The following PPM1K variants were observed in gnomAD, a reference collection of about 807,000 sequenced individuals.
The protein encoded by PPM1K is protein phosphatase, Mg2+/Mn2+ dependent 1K.
A neutral mutation model predicts 32.6 loss-of-function variants in PPM1K; 19 were observed. The ratio of observed to expected loss-of-function variants is 0.58; its 90% confidence interval spans 0.41 to 0.86. The LOEUF (loss-of-function observed/expected upper bound fraction) is 0.86, where lower values mean the gene tolerates loss of function less well. PPM1K is among the 40% of genes least tolerant of loss of function. The probability of loss-of-function intolerance (pLI) is 0.00; values close to 1 mark genes in which losing one functional copy is unlikely to be tolerated. For synonymous variants in PPM1K, 159 were observed against 165.3 expected (o/e 0.96, Z 0.29); for missense variants, 362 against 461.2 (o/e 0.78, Z 1.97).
chr4:88,278,499 G>C lies in PPM1K; in HGVS notation c.85C>G (p.Gln29Glu). ...RRVLLSSRLL[Q>E]DDRRVTPTCH... ...GTGGGTGTCACCCGCCTGTCGTCCT[G>C]CAGCAGGCGGGAGCTTAGCAGCACT... Residue 29 changes from glutamine to glutamate, a missense_variant, in exon 2 of 7, where the codon CAG (glutamine) becomes GAG (glutamate). By Grantham distance (29) the Gln-to-Glu change is conservative (BLOSUM62 2). Transcript: ENST00000608933. This position sits in a 1 kb window ranked among gnomAD's most constrained non-coding sequence, Gnocchi z 4.2. 1 of 1,614,088 alleles carries C rather than the reference G, an allele frequency of 6.2e-7. No individual in the cohort carries two copies. The highest frequency in any genetic ancestry group is 8.5e-7 in the Non-Finnish European group (1 of 1,179,962).
At chr4:88,280,926 T>C (rs1030018348) in intron 1 of PPM1K, among the ~76,000 whole-genome samples, 11 of 152,140 alleles carry the variant, frequency 7.2e-5, no homozygotes, top group Admixed American at 6.6e-4. Flanking sequence ...TTGCTTCTAA[T>C]TGAGAGTTAG....
intron 3 of PPM1K, among the ~76,000 whole-genome samples, 181 bp from the exon 4 acceptor site, chr4:88,269,087 A>G (rs1402199950): frequency 6.6e-6 from 1 of 152,274 alleles, no homozygotes; most frequent in Non-Finnish European, 1.5e-5. Context: ...ATGCAGAGAA[A>G]CAAGTATTTA....
At chr4:88,265,359 G>A (rs763865103) in intron 5 of PPM1K, among the ~76,000 whole-genome samples, 2 of 152,176 alleles carry the variant, frequency 1.3e-5, no homozygotes, top group African/African-American at 2.4e-5. Context: ...GAATCATGGC[G>A]GTGGGTCTTT....
rs1731131564 is a variant in PPM1K, at chr4:88,261,859, A to T, written c.*736T>A. 7.5e-6 allele frequency: 1 copy of T among 133,762 alleles called. No homozygotes were observed. The highest frequency in any genetic ancestry group is 1.6e-5 in the Non-Finnish European group (1 of 64,312). 8.3% of individuals were successfully genotyped at this position (133,762 alleles called of 1,614,324 possible). On this transcript the variant is annotated 3_prime_UTR_variant, in exon 7 of 7. Coordinates refer to ENST00000608933, the MANE Select transcript of PPM1K (RefSeq NM_152542.5). Reference sequence around the variant, plus strand: ...ATTACAGGTGTCTGCCACCACGCCCAGCCAATTTTTTTTTTTTTTTTTTTT... The same window carrying T: ...ATTACAGGTGTCTGCCACCACGCCCTGCCAATTTTTTTTTTTTTTTTTTTT...
rs1730963746 is a variant in PPM1K at position 88,257,871 on chromosome 4, A to G, written c.*4724T>C. The G allele has an allele frequency of 6.6e-6, 1 of 152,218 alleles. No homozygotes were observed. The allele number at this position is 152,218 out of a possible 1,614,324, so 9.4% of individuals were successfully genotyped here. ...TCAGGCTGCTAAATTCTGTACTAGA[A>G]TCCAACAGCAAATGAGTCATTCTTG... On this transcript the variant is annotated 3_prime_UTR_variant, in exon 7 of 7. Transcript: ENST00000608933.
In PPM1K at chr4:88,278,045, A is replaced by C; in HGVS notation, c.440+99T>G. 1.1e-6 allele frequency: 1 copy of C among 945,502 alleles called. No homozygotes were observed. The highest frequency in any genetic ancestry group is 1.6e-6 in the Non-Finnish European group (1 of 628,148). 58.6% of individuals were successfully genotyped at this position (945,502 alleles called of 1,614,324 possible). On this transcript the variant is annotated intron_variant, in intron 2 of 6. Coordinates refer to ENST00000608933, the MANE Select transcript of PPM1K (RefSeq NM_152542.5). This position sits in a 1 kb window ranked among gnomAD's most constrained non-coding sequence, Gnocchi z 4.2. ...GTGAAGCAGCAGCATGCAACCACTC[A>C]AGTAACTATGTTTACGCTGGAAGCC... is the stretch of plus-strand genomic sequence containing the variant.
chr4:88,278,194 A>G lies in PPM1K; in HGVS notation c.390T>C (p.Gly130=), dbSNP rs1037229305. ...GACAGAAATCAGCTGCTGCAGGTCC[A>G]CCGTGTCCATCATACACTGCAAAGT... is the stretch of plus-strand genomic sequence containing the variant. ...VLYFAVYDGH[G]GPAAADFCHT... Residue 130 remains glycine, a synonymous_variant, in exon 2 of 7, where the codon GGT becomes GGC. Transcript: ENST00000608933. This position sits in a 1 kb window ranked among gnomAD's most constrained non-coding sequence, Gnocchi z 4.2. 6.2e-7 allele frequency: 1 copy of G among 1,614,204 alleles called. No homozygotes were observed.
chr4:88,279,815 T>C (rs1305797237), intron 1 of PPM1K: 2 of 152,230 alleles, frequency 1.3e-5, no homozygotes, highest in African/African-American at 4.8e-5. Flanking sequence ...GGTTTGATGA[T>C]GTTGGTGGAT....
chr4:88,271,126 A>G, intron 3 of PPM1K: 1 of 518,454 alleles, frequency 1.9e-6, no homozygotes, highest in South Asian at 1.4e-5. Context: ...CTCTCTTTCC[A>G]CTGAAGCCCC....
intron 3 of PPM1K, 27 bp downstream of exon 3, chr4:88,277,116 T>C (rs1453377502): frequency 1.3e-6 from 2 of 1,557,710 alleles, no homozygotes; most frequent in African/African-American, 2.7e-5. Flanking sequence ...CTCCCTAGGA[T>C]CCAAGGAATG....
intron 1 of PPM1K, among the ~76,000 whole-genome samples, chr4:88,283,291 T>C (rs1443387271): frequency 1.3e-5 from 2 of 152,346 alleles, no homozygotes; most frequent in African/African-American, 4.8e-5. Flanking sequence ...TTTGTATGTT[T>C]TGTAGAGCCG....
At chr4:88,266,517 T>TGCTG (rs1731311228) in intron 5 of PPM1K, among the ~76,000 whole-genome samples, 1 of 143,008 alleles carries the variant, frequency 7.0e-6, no homozygotes, top group Non-Finnish European at 1.5e-5. Context: ...GTGCAGGTGA[T>TGCTG]GCTGATTGGG....
At chr4:88,276,779 T>TAAA in intron 3 of PPM1K, 1 of 888,494 alleles carries the variant, frequency 1.1e-6, no homozygotes, top group Non-Finnish European at 1.4e-6. Flanking sequence ...CAGATCCATC[T>TAAA]AAAAAAAAAA....
intron 5 of PPM1K, among the ~76,000 whole-genome samples, chr4:88,267,890 C>A (rs562918314): frequency 2.7e-4 from 41 of 152,134 alleles, no homozygotes; most frequent in Non-Finnish European, 5.7e-4. Flanking sequence ...GGGTTCAGCA[C>A]GTGCAAATGT....
intron 3 of PPM1K, among the ~76,000 whole-genome samples, chr4:88,270,024 T>C (rs1731491620): frequency 6.6e-6 from 1 of 152,258 alleles, no homozygotes; most frequent in Non-Finnish European, 1.5e-5. Flanking sequence ...AAGCAGGTAT[T>C]GTCTTTAGTA....
intron 3 of PPM1K, among the ~76,000 whole-genome samples, chr4:88,273,013 A>G (rs1218427429): frequency 1.3e-5 from 2 of 152,206 alleles, no homozygotes; most frequent in African/African-American, 4.8e-5. Context: ...AAGAGCTCTC[A>G]CTAAGTGTAA....
At chr4:88,276,078 C>T (rs1173713447) in intron 3 of PPM1K, 54 of 985,232 alleles carry the variant, frequency 5.5e-5, no homozygotes, top group South Asian at 9.4e-5. Flanking sequence ...ATAGAGCCAT[C>T]GCAGAGTTAC....
chr4:88,268,653 A>G, intron 4 of PPM1K, 88 bp downstream of exon 4: 1 of 1,350,310 alleles, frequency 7.4e-7, no homozygotes, highest in South Asian at 1.3e-5. Context: ...GTCACTGTTA[A>G]ACTTAACCAT....
chr4:88,263,502 G>A (rs887587604), intron 6 of PPM1K, among the ~76,000 whole-genome samples: 2 of 152,136 alleles, frequency 1.3e-5, no homozygotes, highest in East Asian at 3.9e-4. Context: ...GCAGTGGCAC[G>A]ATCTCGGCTC....
Sources: allele counts gnomAD v4.1 joint callset (sites outside exome capture counted in the v4.1 genomes callset), GRCh38; gene constraint gnomAD v4.1.1; non-coding constraint Gnocchi (gnomAD v3.1); transcripts MANE v1.5; gene names NCBI Gene and HGNC (gene_info 2026-07-23, HGNC 2026-07-21).